Variants in AFG2A observed in about 807,000 individuals in gnomAD.
AFG2A encodes the protein ATPase family gene 2 protein homolog A.
the AFG2A span, chr4:122,934,361 A>G: frequency 1.9e-6 from 3 of 1,614,218 alleles, no homozygotes; most frequent in Non-Finnish European, 2.5e-6. Context: ...AAACCAATTG[A>G]TGACAGAATT....
At chr4:123,191,592 G>A in the AFG2A span, among the ~76,000 whole-genome samples, 6 of 152,070 alleles carry the variant, frequency 3.9e-5, no homozygotes, top group African/African-American at 9.6e-5. Flanking sequence ...TTTTATCTTC[G>A]TATTTCTTTC....
At chr4:122,936,116 G>A in the AFG2A span, 1 of 1,604,170 alleles carries the variant, frequency 6.2e-7, no homozygotes, top group Non-Finnish European at 8.5e-7. Flanking sequence ...TGGTGAGACT[G>A]AAGCAAAGTT....
the AFG2A span, among the ~76,000 whole-genome samples, chr4:123,297,457 C>T: frequency 6.6e-6 from 1 of 152,170 alleles, no homozygotes; most frequent in East Asian, 1.9e-4. Flanking sequence ...TGTGGTGGCT[C>T]ATGCCTGTGA....
the AFG2A span, among the ~76,000 whole-genome samples, chr4:123,005,156 T>C: frequency 6.6e-6 from 1 of 152,274 alleles, no homozygotes; most frequent in South Asian, 2.1e-4. Context: ...CTTTCTTTCT[T>C]CTTTTTTTTT....
At chr4:123,139,826 A>G in the AFG2A span, among the ~76,000 whole-genome samples, 1 of 152,080 alleles carries the variant, frequency 6.6e-6, no homozygotes, top group Non-Finnish European at 1.5e-5. Context: ...GATTTTCTGA[A>G]TCATTCAAGT....
chr4:123,223,919 T>G, the AFG2A span, among the ~76,000 whole-genome samples: 5 of 152,232 alleles, frequency 3.3e-5, no homozygotes, highest in Admixed American at 1.3e-4. Context: ...ACTTTTTAGT[T>G]TGATACAGCC....
At chr4:123,308,996 G>C in the AFG2A span, among the ~76,000 whole-genome samples, 1 of 152,008 alleles carries the variant, frequency 6.6e-6, no homozygotes, top group African/African-American at 2.4e-5. Flanking sequence ...TTGTGTTTCT[G>C]TCCTCCACCC....
chr4:123,144,777 G>C, the AFG2A span, among the ~76,000 whole-genome samples: 4 of 152,038 alleles, frequency 2.6e-5, no homozygotes, highest in African/African-American at 9.7e-5. Context: ...AGAGTCATAG[G>C]AACTTGAACT....
the AFG2A span, among the ~76,000 whole-genome samples, chr4:123,156,274 T>C: frequency 1.3e-5 from 2 of 152,138 alleles, no homozygotes; most frequent in East Asian, 1.9e-4. Flanking sequence ...AATCTTGAAG[T>C]TGTAATATAG....
At chr4:123,142,789 A>T in the AFG2A span, among the ~76,000 whole-genome samples, 2 of 152,172 alleles carry the variant, frequency 1.3e-5, no homozygotes, top group Non-Finnish European at 2.9e-5. Flanking sequence ...AATCTGCAGT[A>T]TACATGGATC....
chr4:123,212,251 A>G, the AFG2A span, among the ~76,000 whole-genome samples: 1 of 151,920 alleles, frequency 6.6e-6, no homozygotes, highest in Non-Finnish European at 1.5e-5. Context: ...GTCCTGATTA[A>G]TAGCCTCCCA....
At chr4:122,979,092 G>A in the AFG2A span, 1 of 957,140 alleles carries the variant, frequency 1.0e-6, no homozygotes, top group Non-Finnish European at 1.5e-6. Context: ...GCTTCGTGGA[G>A]TATGCAGCCC....
chr4:123,195,708 C>G, the AFG2A span, among the ~76,000 whole-genome samples: 1 of 152,104 alleles, frequency 6.6e-6, no homozygotes, highest in Non-Finnish European at 1.5e-5. Flanking sequence ...TATGATTTCC[C>G]TCTTGTTCTG....
chr4:123,065,801 C>G, the AFG2A span, among the ~76,000 whole-genome samples: 1 of 151,548 alleles, frequency 6.6e-6, no homozygotes. Flanking sequence ...TCTGACCTGA[C>G]AAATTTAAAA....
chr4:122,929,912 G>C, the AFG2A span, among the ~76,000 whole-genome samples: 1 of 152,074 alleles, frequency 6.6e-6, no homozygotes, highest in Non-Finnish European at 1.5e-5. Flanking sequence ...ATAGACTAAG[G>C]ACTTTGATTT....
the AFG2A span, among the ~76,000 whole-genome samples, chr4:123,086,099 A>G: frequency 6.6e-6 from 1 of 152,158 alleles, no homozygotes; most frequent in South Asian, 2.1e-4. Context: ...AGTTAAAAGT[A>G]GGAAAAATTA....
chr4:123,056,379 T>A, the AFG2A span: 1 of 1,609,368 alleles, frequency 6.2e-7, no homozygotes, highest in East Asian at 2.2e-5. Context: ...TGTTTTCTTT[T>A]CATGCAGGGG....
the AFG2A span, among the ~76,000 whole-genome samples, chr4:123,030,138 A>G: frequency 6.6e-6 from 1 of 152,196 alleles, no homozygotes; most frequent in Non-Finnish European, 1.5e-5. Flanking sequence ...TCATAGTATT[A>G]GAATTTTTCT....
the AFG2A span, among the ~76,000 whole-genome samples, chr4:122,998,128 C>T: frequency 6.6e-6 from 1 of 151,988 alleles, no homozygotes; most frequent in Non-Finnish European, 1.5e-5. Context: ...CTTTGAAGCA[C>T]AAAAGTTTAA....
Sources: allele counts gnomAD v4.1 joint callset (sites outside exome capture counted in the v4.1 genomes callset), GRCh38; gene constraint gnomAD v4.1.1; transcripts MANE v1.5; gene names NCBI Gene and HGNC (gene_info 2026-07-23, HGNC 2026-07-21).